The following RBM20 variants were observed in gnomAD, a reference collection of about 807,000 sequenced individuals.
RBM20 encodes the protein RNA-binding protein 20.
RBM20 carries 51 observed loss-of-function variants against 110.1 expected under a neutral mutation model. That is an observed-to-expected ratio of 0.46 (90% CI 0.37 to 0.59). RBM20 has a LOEUF of 0.59. Ranked by LOEUF, RBM20 falls within the 20% of genes least tolerant of loss-of-function variation. The pLI is 0.00. For synonymous variants in RBM20, 589 were observed against 618.2 expected, an observed-to-expected ratio of 0.95 and a Z score of 0.70; for missense variants, 1,512 against 1,574.9, an observed-to-expected ratio of 0.96 and a Z score of 0.68.
chr10:110,738,487 G>C (rs1335404296), intron 1 of RBM20, among the ~76,000 whole-genome samples: 1 of 152,172 alleles, frequency 6.6e-6, no homozygotes, highest in African/African-American at 2.4e-5. Context: ...TCAGGCAGTT[G>C]GTCAGGCTGT....
In RBM20 at chr10:110,780,770, G is replaced by A. The variant is rs114622030; in HGVS notation, c.192-31G>A. The A allele has an allele frequency of 3.3e-3, 4,888 of 1,476,098 alleles. 121 individuals carry two copies. In the African/African-American group the frequency reaches 0.057, roughly 17 times the overall value. 91.4% of individuals were successfully genotyped at this position (1,476,098 alleles called of 1,614,324 possible). A position where few individuals can be genotyped will look rare whatever the true frequency, so the allele number is the denominator to read the frequency against. ...CCCTTGCCCCCCTCATTGAAAACCA[G>A]CTGTGCATCTAGACCTCTGTCTTCC... On this transcript the variant is annotated intron_variant, in intron 1 of 13. Transcript: ENST00000369519.
At chr10:110,660,147 A>G (rs567717741) in intron 1 of RBM20, among the ~76,000 whole-genome samples, 1 of 152,250 alleles carries the variant, frequency 6.6e-6, no homozygotes, top group East Asian at 1.9e-4. Context: ...ACACAAATCA[A>G]GACAACAGCA....
chr10:110,820,908 C>T (rs1429071814), intron 10 of RBM20, among the ~76,000 whole-genome samples: 5 of 152,158 alleles, frequency 3.3e-5, no homozygotes, highest in African/African-American at 1.2e-4. Flanking sequence ...AGGGGCTTTG[C>T]TGCAGTTACA....
intron 1 of RBM20, among the ~76,000 whole-genome samples, chr10:110,779,763 T>C (rs1160704028): frequency 6.6e-6 from 1 of 152,218 alleles, no homozygotes; most frequent in Non-Finnish European, 1.5e-5. Context: ...ACACATCTAG[T>C]GTCAGAAGTG....
intron 1 of RBM20, among the ~76,000 whole-genome samples, chr10:110,662,973 T>C (rs2134826800): frequency 6.7e-6 from 1 of 148,726 alleles, no homozygotes; most frequent in African/African-American, 2.5e-5. Flanking sequence ...TCTTTCTTTC[T>C]TTTTTTTTTA....
At position 110,771,355 on chromosome 10, in the gene RBM20, C is replaced by T. The variant is rs151333784; in HGVS notation, c.192-9446C>T. On this transcript the variant is annotated intron_variant, in intron 1 of 13. Coordinates refer to ENST00000369519, the MANE Select transcript of RBM20 (RefSeq NM_001134363.3). ...TGTTGGTCAGGCTGGTCTAGAACTCCTGACCTTAAGTGATCCGCCTGCCTC... is the reference window on the plus strand; with the variant it reads ...TGTTGGTCAGGCTGGTCTAGAACTCTTGACCTTAAGTGATCCGCCTGCCTC... Among the ~76,000 whole-genome samples the T allele has an allele frequency of 3.4e-3, 523 of 152,170 alleles. 3 individuals carry two copies. Among genetic ancestry groups the T allele is most frequent in the African/African-American group, 0.012 (488 of 41,504 alleles).
intron 1 of RBM20, among the ~76,000 whole-genome samples, chr10:110,646,293 A>G (rs1861866361): frequency 6.6e-6 from 1 of 152,236 alleles, no homozygotes; most frequent in South Asian, 2.1e-4. Context: ...CAGGTTGAAA[A>G]TAAATATCAT....
chr10:110,734,618 C>CG (rs34824300), intron 1 of RBM20, among the ~76,000 whole-genome samples: 14,968 of 136,368 alleles, frequency 0.11, 1,012 homozygotes, highest in East Asian at 0.17. Flanking sequence ...AAAATTCCCT[C>CG]TTTTTTTTTT....
At chr10:110,763,247 G>C (rs1025183600) in intron 1 of RBM20, among the ~76,000 whole-genome samples, 8 of 151,946 alleles carry the variant, frequency 5.3e-5, no homozygotes, top group African/African-American at 1.9e-4. Flanking sequence ...CACACACCGG[G>C]TCTGAATTCA....
chr10:110,732,676 A>T (rs777296870), intron 1 of RBM20, among the ~76,000 whole-genome samples: 5 of 152,178 alleles, frequency 3.3e-5, no homozygotes, highest in African/African-American at 1.2e-4. Context: ...CACGCACCCC[A>T]TCGTTGGGTT....
chr10:110,783,084 T>C (rs900909149), intron 2 of RBM20, among the ~76,000 whole-genome samples: 2 of 151,884 alleles, frequency 1.3e-5, no homozygotes, highest in African/African-American at 2.4e-5. Flanking sequence ...CAAGGGTCCA[T>C]TGAGAGGGGT....
At chr10:110,803,092 C>A (rs1844650796) in intron 7 of RBM20, among the ~76,000 whole-genome samples, 1 of 151,912 alleles carries the variant, frequency 6.6e-6, no homozygotes, top group Non-Finnish European at 1.5e-5. Flanking sequence ...ATAATGTATA[C>A]CTTTAATTGA....
rs1253731438 is a variant in RBM20, at chr10:110,714,151, G to A, written c.192-66650G>A. Among the ~76,000 whole-genome samples, 4 of 152,152 alleles carry A rather than the reference G, an allele frequency of 2.6e-5. No individual in the cohort carries two copies. In the East Asian group the frequency reaches 5.8e-4, roughly 22 times the overall value. ...CTAAGCCTCCTGAGTAGACACTTGA[G>A]CCTTGGCATAGTTGGGATTAGGGAA... On this transcript the variant is annotated intron_variant, in intron 1 of 13. Coordinates refer to ENST00000369519, the MANE Select transcript of RBM20 (RefSeq NM_001134363.3).
intron 12 of RBM20, among the ~76,000 whole-genome samples, chr10:110,825,541 C>T (rs1397357877): frequency 1.3e-5 from 2 of 152,216 alleles, no homozygotes; most frequent in Admixed American, 6.5e-5. Context: ...GTTTTTCTCT[C>T]ACAAAAATGG....
chr10:110,768,954 G>A (rs1030093233), intron 1 of RBM20, among the ~76,000 whole-genome samples: 1 of 152,202 alleles, frequency 6.6e-6, no homozygotes, highest in African/African-American at 2.4e-5. Context: ...AAATTTCAGT[G>A]TTTATTCTTC....
chr10:110,802,467 A>ATTTG (rs1844640940), intron 7 of RBM20, among the ~76,000 whole-genome samples: 1 of 151,488 alleles, frequency 6.6e-6, no homozygotes, highest in South Asian at 2.1e-4. Flanking sequence ...ATCCAACCAA[A>ATTTG]GTTCCTGGTC....
Position 110,741,301 on chromosome 10 carries a change from G to A in RBM20, c.192-39500G>A, listed in dbSNP as rs149570200. ...ATAAGAAATCATCTGTAGAGGTGAC[G>A]TAGAAAGCACAGATAATAGAGAAAT... is the stretch of plus-strand genomic sequence containing the variant. On this transcript the variant is annotated intron_variant, in intron 1 of 13. Coordinates refer to ENST00000369519, the MANE Select transcript of RBM20 (RefSeq NM_001134363.3). 2.6e-3 allele frequency among the ~76,000 whole-genome samples: 403 copies of A among 152,310 alleles called. 5 individuals are homozygous for A. Among genetic ancestry groups the A allele is most frequent in the African/African-American group, 9.0e-3 (374 of 41,548 alleles).
Position 110,710,272 on chromosome 10 carries a change from G to A in RBM20, c.191+65627G>A, listed in dbSNP as rs577794799. Among the ~76,000 whole-genome samples the A allele has an allele frequency of 3.9e-5, 6 of 152,318 alleles. No individual in the cohort carries two copies. The South Asian group carries it at 1.2e-3, about 32-fold the overall frequency. ...ACAAGCTGGTGGTCATGCTGAACTG[G>A]ATATTCCGCAATAATCTGGAAATGT... On this transcript the variant is annotated intron_variant, in intron 1 of 13. Coordinates refer to ENST00000369519, the MANE Select transcript of RBM20 (RefSeq NM_001134363.3).
intron 1 of RBM20, among the ~76,000 whole-genome samples, chr10:110,772,643 A>G (rs1296502277): frequency 6.6e-6 from 1 of 152,224 alleles, no homozygotes; most frequent in Non-Finnish European, 1.5e-5. Flanking sequence ...TGTACACTCT[A>G]TGATGTTCGC....
Sources: allele counts gnomAD v4.1 joint callset (sites outside exome capture counted in the v4.1 genomes callset), GRCh38; gene constraint gnomAD v4.1.1; transcripts MANE v1.5; gene names NCBI Gene and HGNC (gene_info 2026-07-23, HGNC 2026-07-21).